Variants in SLC24A5 observed in about 807,000 individuals in gnomAD.
SLC24A5 encodes solute carrier family 24 member 5.
Under a neutral mutation model 51.6 loss-of-function variants are expected in SLC24A5, and 46 were observed. That is an observed-to-expected ratio of 0.89 (90% confidence interval 0.70 to 1.14). The LOEUF (loss-of-function observed/expected upper bound fraction) is 1.14. Among genes scored for constraint, SLC24A5 ranks in the 50% most tolerant of loss-of-function variants. The pLI is 0.00. For synonymous variants in SLC24A5, 230 were observed against 214.9 expected (o/e 1.07, Z -0.62); for missense variants, 581 against 604.1 (o/e 0.96, Z 0.40).
chr15:48,132,061 C>A (rs543895868), intron 2 of SLC24A5, among the ~76,000 whole-genome samples: 2 of 152,142 alleles, frequency 1.3e-5, no homozygotes, highest in Admixed American at 1.3e-4. Flanking sequence ...TTAGGATCCA[C>A]AAGACCTTAC....
chr15:48,132,412 C>G (rs977929421), intron 2 of SLC24A5, among the ~76,000 whole-genome samples: 1 of 152,062 alleles, frequency 6.6e-6, no homozygotes, highest in African/African-American at 2.4e-5. Context: ...CTTCCCCTTA[C>G]TAAAAGTAAA....
chr15:48,121,427 T>C (rs563469961), intron 1 of SLC24A5, among the ~76,000 whole-genome samples: 5 of 152,330 alleles, frequency 3.3e-5, no homozygotes, highest in Admixed American at 3.3e-4. Context: ...AAACAAAAAA[T>C]CTTTCATCTT....
intron 2 of SLC24A5, among the ~76,000 whole-genome samples, chr15:48,131,890 G>A (rs923889184): frequency 6.6e-6 from 1 of 152,064 alleles, no homozygotes; most frequent in African/African-American, 2.4e-5. Context: ...TGGTTTTTCA[G>A]GTGTCAAAAT....
chr15:48,136,264 C>T (rs1400970398), intron 5 of SLC24A5: 1 of 152,594 alleles, frequency 6.6e-6, no homozygotes, highest in Admixed American at 6.6e-5. Flanking sequence ...AATAACTTAA[C>T]AGTTACTATA....
chr15:48,134,282 C>A lies in SLC24A5; in HGVS notation c.326C>A (p.Ala109Glu), dbSNP rs1567224096. ...GCCCTTGGATTGTCTCAGGATGTTG[C>A]AGGCACAACTTTCATGGCAGCGGGC... is the stretch of plus-strand genomic sequence containing the variant. Reference protein sequence around the residue: ...SESLGLSQDVAGTTFMAAGSS... With the variant: ...SESLGLSQDVEGTTFMAAGSS... The change falls in exon 3 of 9, where the codon GCA becomes GAA. Residue 109 changes from alanine (A) to glutamate (E), a missense_variant. By Grantham distance (107) the Ala-to-Glu change is moderately radical (BLOSUM62 -1). Coordinates refer to ENST00000341459, the MANE Select transcript of SLC24A5 (RefSeq NM_205850.3). The A allele has an allele frequency of 2.5e-6, 4 of 1,613,616 alleles. No homozygotes were observed. Among genetic ancestry groups the A allele is most frequent in the Non-Finnish European group, 3.4e-6 (4 of 1,179,624 alleles).
chr15:48,123,290 T>G (rs2038698618), intron 2 of SLC24A5: 1 of 151,966 alleles, frequency 6.6e-6, no homozygotes, highest in Admixed American at 6.6e-5. Context: ...AAGATTAAAT[T>G]ATTTAACAGT....
At chr15:48,123,267 A>C (rs2038698267) in intron 2 of SLC24A5, 1 of 151,872 alleles carries the variant, frequency 6.6e-6, no homozygotes, top group Non-Finnish European at 1.5e-5. Context: ...TATAATTGAT[A>C]TTTTCTTTAA....
At chr15:48,138,346 C>T (rs934028529) in intron 6 of SLC24A5, 2 of 151,860 alleles carry the variant, frequency 1.3e-5, no homozygotes, top group Non-Finnish European at 2.9e-5. Flanking sequence ...AAGAAATATA[C>T]TCAATTTTCA....
At chr15:48,122,403 A>G in intron 2 of SLC24A5, 1 of 358,636 alleles carries the variant, frequency 2.8e-6, no homozygotes, top group Non-Finnish European at 5.0e-6. Flanking sequence ...TATGCTTCAA[A>G]AAACTTTTTT....
intron 2 of SLC24A5, among the ~76,000 whole-genome samples, chr15:48,133,197 CA>C (rs1302067538): frequency 1.3e-5 from 2 of 152,100 alleles, no homozygotes; most frequent in African/African-American, 4.8e-5. Flanking sequence ...TAAACATCAA[CA>C]AAGAGTTGCC....
chr15:48,131,033 T>C (rs1237012477), intron 2 of SLC24A5, among the ~76,000 whole-genome samples: 2 of 152,170 alleles, frequency 1.3e-5, no homozygotes, highest in Admixed American at 1.3e-4. Context: ...TAAAATGGAA[T>C]ACCACCACTC....
intron 7 of SLC24A5, chr15:48,140,545 T>C (rs2039034407): frequency 6.6e-6 from 1 of 152,140 alleles, no homozygotes; most frequent in Admixed American, 6.5e-5. Flanking sequence ...ATTAATAAAT[T>C]GGGACCATAT....
In SLC24A5 at chr15:48,138,990, T is replaced by C. The variant is rs1161899030; in HGVS notation, c.893T>C (p.Met298Thr). The change falls in exon 7 of 9, where the codon ATG (methionine) becomes ACG (threonine). Residue 298 changes from methionine (M) to threonine (T), a missense_variant. Met to Thr is a moderately conservative substitution (Grantham distance 81). Coordinates refer to ENST00000341459, the MANE Select transcript of SLC24A5 (RefSeq NM_205850.3). ...ACAGATCCACCAAGTGTTTTCAACA[T>C]GCCTGAAGCAGACTTAAAAAGAATT... ...VSEDPPSVFN[M>T]PEADLKRIFW... The C allele has an allele frequency of 1.2e-6, 2 of 1,612,360 alleles. No individual in the cohort carries two copies. The highest frequency in any genetic ancestry group is 1.7e-6 in the Non-Finnish European group (2 of 1,179,012).
At chr15:48,139,260 C>T in intron 7 of SLC24A5, 85 bp downstream of exon 7, 1 of 1,132,774 alleles carries the variant, frequency 8.8e-7, no homozygotes, top group Non-Finnish European at 1.3e-6. Flanking sequence ...AGTCTAGCTA[C>T]ACAGCAAATT....
intron 2 of SLC24A5, among the ~76,000 whole-genome samples, chr15:48,125,243 A>G (rs993895676): frequency 6.7e-6 from 1 of 150,268 alleles, no homozygotes; most frequent in Non-Finnish European, 1.5e-5. Flanking sequence ...TTATAGATGA[A>G]AGATATATAT....
chr15:48,136,531 G>T, intron 5 of SLC24A5, 152 bp from the exon 6 acceptor site: 1 of 673,614 alleles, frequency 1.5e-6, no homozygotes. Context: ...AATCAAGTCT[G>T]GACAAATCTA....
chr15:48,138,510 A>C (rs1346345543), intron 6 of SLC24A5: 1 of 152,858 alleles, frequency 6.5e-6, no homozygotes, highest in Non-Finnish European at 1.5e-5. Flanking sequence ...TAAAAAAATT[A>C]TGCTATGATT....
Position 48,121,956 on chromosome 15 carries a change from T to C in SLC24A5, c.221T>C (p.Leu74Pro). The change falls in exon 2 of 9, where the codon CTA becomes CCA. Residue 74 changes from leucine (L) to proline (P), a missense_variant. Physicochemically the swap from Leu to Pro is moderately conservative, Grantham distance 98. Transcript: ENST00000341459. ...RRDGGIIIYF[L>P]IIVYMFMAIS... Reference sequence around the variant, plus strand: ...GATGGAGGCATCATAATCTATTTCCTAATTATCGTTTACATGTTCATGGCC... The same window carrying C: ...GATGGAGGCATCATAATCTATTTCCCAATTATCGTTTACATGTTCATGGCC... 1 of 1,614,176 alleles carries C rather than the reference T, an allele frequency of 6.2e-7. No homozygotes were observed. Among genetic ancestry groups the C allele is most frequent in the East Asian group, 2.2e-5 (1 of 44,884 alleles).
rs185054950 is a variant in SLC24A5 at position 48,132,899 on chromosome 15, G to A, written c.302-1359G>A. On this transcript the variant is annotated intron_variant, in intron 2 of 8. Transcript: ENST00000341459. ...GTAAGGAAGTCGTATCACCTTTTAT[G>A]TAGGGGATTAAAGGGTTCTGGAAAA... Among the ~76,000 whole-genome samples the A allele has an allele frequency of 1.4e-3, 217 of 152,230 alleles. 6 individuals carry two copies. The South Asian group carries it at 0.037, about 26-fold the overall frequency.
Sources: allele counts gnomAD v4.1 joint callset (sites outside exome capture counted in the v4.1 genomes callset), GRCh38; gene constraint gnomAD v4.1.1; transcripts MANE v1.5; gene names NCBI Gene and HGNC (gene_info 2026-07-23, HGNC 2026-07-21).